Variants in MGST2 observed in about 807,000 individuals in gnomAD.
MGST2 encodes microsomal glutathione S-transferase 2, also known as glutathione peroxidase MGST2.
In MGST2, 9 loss-of-function variants were observed where a neutral mutation model predicts 16.6. The ratio of observed to expected loss-of-function variants is 0.54; its 90% confidence interval spans 0.33 to 0.95. MGST2 has a LOEUF of 0.95. Ranked by LOEUF, MGST2 falls within the 40% of genes least tolerant of loss-of-function variation. The pLI is 0.03. For missense variants in MGST2, 159 were observed against 175.1 expected, an observed-to-expected ratio of 0.91 and a Z score of 0.52; for synonymous variants, 79 against 68.0, an observed-to-expected ratio of 1.16 and a Z score of -0.79.
chr4:139,741,738 C>G (rs963715454), downstream of MGST2, among the ~76,000 whole-genome samples: 2 of 152,150 alleles, frequency 1.3e-5, no homozygotes, highest in African/African-American at 4.8e-5. Flanking sequence ...CAGAGTGAGA[C>G]CCTGTCTCAA....
intron 1 of MGST2, among the ~76,000 whole-genome samples, chr4:139,668,065 G>A (rs1018913154): frequency 1.3e-5 from 2 of 152,180 alleles, no homozygotes; most frequent in Non-Finnish European, 2.9e-5. Flanking sequence ...ATGTACATTA[G>A]TTTGGTCCCA....
At chr4:139,678,876 G>A in intron 2 of MGST2, 1 of 576,874 alleles carries the variant, frequency 1.7e-6, no homozygotes, top group Non-Finnish European at 3.1e-6. Flanking sequence ...TACAGAAAAG[G>A]CTGGGATCTC....
chr4:139,671,931 C>T (rs1025589738), intron 1 of MGST2, among the ~76,000 whole-genome samples: 3 of 152,074 alleles, frequency 2.0e-5, no homozygotes, highest in East Asian at 1.9e-4. Context: ...CACGAACTAC[C>T]GCACCTGGCC....
Position 139,735,471 on chromosome 4 carries a change from G to C in MGST2, c.*49-4741G>C, listed in dbSNP as rs536561386. On this transcript the variant is annotated intron_variant, in intron 5 of 5. Transcript: ENST00000616265. This position sits in a 1 kb window ranked among gnomAD's most constrained non-coding sequence, Gnocchi z 5.8. ...GGTAGGGGGGCAGTGGCGACCTCCG[G>C]GGGGGGAGGGTGGCGGACACCAGAC... Among the ~76,000 whole-genome samples the C allele has an allele frequency of 6.6e-6, 1 of 151,804 alleles. No individual in the cohort carries two copies. Among genetic ancestry groups the C allele is most frequent in the East Asian group, 2.0e-4 (1 of 5,070 alleles).
intron 5 of MGST2, among the ~76,000 whole-genome samples, chr4:139,724,961 G>C (rs1390427385): frequency 6.6e-6 from 1 of 152,066 alleles, no homozygotes; most frequent in Non-Finnish European, 1.5e-5. Flanking sequence ...GTTTTGCTAT[G>C]TTGGCCAGGC....
At chr4:139,669,356 G>A (rs1029236871) in intron 1 of MGST2, among the ~76,000 whole-genome samples, 2 of 152,168 alleles carry the variant, frequency 1.3e-5, no homozygotes, top group African/African-American at 2.4e-5. Context: ...TCATGGAGTC[G>A]GGACACCATG....
chr4:139,685,634 A>G (rs1731517667), intron 2 of MGST2, among the ~76,000 whole-genome samples: 1 of 152,156 alleles, frequency 6.6e-6, no homozygotes, highest in South Asian at 2.1e-4. Context: ...AAAAGAGTCA[A>G]ACTCTATAAA....
chr4:139,753,173 T>C, the MGST2 span, among the ~76,000 whole-genome samples: 10 of 152,332 alleles, frequency 6.6e-5, no homozygotes, highest in African/African-American at 2.4e-4. Context: ...ATACATAACA[T>C]AAAATTTATC....
chr4:139,720,207 C>T (rs1728178360), intron 5 of MGST2: 1 of 1,613,832 alleles, frequency 6.2e-7, no homozygotes, highest in South Asian at 1.1e-5. Context: ...GCCATCGTCC[C>T]AGGGTTCTGG....
At chr4:139,704,957 A>G (rs1308713515), downstream of MGST2, among the ~76,000 whole-genome samples, 1 of 152,204 alleles carries the variant, frequency 6.6e-6, no homozygotes, top group Non-Finnish European at 1.5e-5. Flanking sequence ...ACAGATTATA[A>G]AAATGTACTT....
chr4:139,723,359 G>A (rs1728333455), intron 5 of MGST2, among the ~76,000 whole-genome samples: 1 of 152,110 alleles, frequency 6.6e-6, no homozygotes, highest in Non-Finnish European at 1.5e-5. Flanking sequence ...TGCCCAGGCT[G>A]GAGTGCAATG....
At chr4:139,672,577 CTTTTT>C (rs34915408) in intron 1 of MGST2, among the ~76,000 whole-genome samples, 1 of 142,574 alleles carries the variant, frequency 7.0e-6, no homozygotes, top group Non-Finnish European at 1.5e-5. Context: ...CATTTACACA[CTTTTT>C]TTTTTTTTTT....
chr4:139,732,996 T>C (rs1304377176), intron 5 of MGST2, among the ~76,000 whole-genome samples: 1 of 152,240 alleles, frequency 6.6e-6, no homozygotes. Context: ...CCAAAAAGTT[T>C]ACTTCAGGAC....
At chr4:139,719,262 G>C in intron 5 of MGST2, 1 of 1,507,234 alleles carries the variant, frequency 6.6e-7, no homozygotes, top group Non-Finnish European at 8.9e-7. Context: ...TCAACATCCT[G>C]TTTCTTTTTC....
intron 1 of MGST2, among the ~76,000 whole-genome samples, chr4:139,678,013 A>C (rs548371460): frequency 1.3e-5 from 2 of 152,134 alleles, no homozygotes; most frequent in Admixed American, 1.3e-4. Context: ...CCTGAGATTT[A>C]TTTTCCTTTC....
At chr4:139,753,248 T>C in the MGST2 span, among the ~76,000 whole-genome samples, 5 of 152,238 alleles carry the variant, frequency 3.3e-5, no homozygotes, top group African/African-American at 1.2e-4. Context: ...GTGTGATCGA[T>C]ACCATGATCT....
At chr4:139,695,672 G>T (rs561268449) in intron 3 of MGST2, among the ~76,000 whole-genome samples, 38 of 152,228 alleles carry the variant, frequency 2.5e-4, no homozygotes, top group African/African-American at 9.2e-4. Context: ...ACCAATCCTG[G>T]AGACTAAACA....
chr4:139,725,860 G>T (rs751859736), intron 5 of MGST2: 6 of 1,597,336 alleles, frequency 3.8e-6, no homozygotes, highest in Admixed American at 1.7e-5. Context: ...CACAAGAGGG[G>T]TGGAGAGGTG....
At chr4:139,711,867 A>G (rs1346403213) in intron 5 of MGST2, among the ~76,000 whole-genome samples, 2 of 152,124 alleles carry the variant, frequency 1.3e-5, no homozygotes, top group African/African-American at 2.4e-5. Context: ...CATCTTCTGT[A>G]ACTTCTTCAG....
Sources: allele counts gnomAD v4.1 joint callset (sites outside exome capture counted in the v4.1 genomes callset), GRCh38; gene constraint gnomAD v4.1.1; non-coding constraint Gnocchi (gnomAD v3.1); transcripts MANE v1.5; gene names NCBI Gene and HGNC (gene_info 2026-07-23, HGNC 2026-07-21).